The following SYN3 variants were observed in gnomAD, a reference collection of about 807,000 sequenced individuals.
SYN3 encodes the protein synapsin III.
Under a neutral mutation model 65.8 loss-of-function variants are expected in SYN3, and 35 were observed. That is an observed-to-expected ratio of 0.53 (90% CI 0.41 to 0.70). The LOEUF (loss-of-function observed/expected upper bound fraction) is 0.70. Ranked by LOEUF, SYN3 falls within the 30% of genes least tolerant of loss-of-function variation. The probability of loss-of-function intolerance (pLI) is 0.00; values close to 1 mark genes in which losing one functional copy is unlikely to be tolerated. For missense variants in SYN3, 680 were observed against 749.0 expected (o/e 0.91, Z 1.08); for synonymous variants, 270 against 292.9 (o/e 0.92, Z 0.80).
rs374034589 is a variant in SYN3, at chr22:32,843,768, C to T, written c.711+21147G>A. On this transcript the variant is annotated intron_variant, in intron 6 of 13. Transcript: ENST00000358763. ...TGGGGTCCCATCAGAAGAGCAGCCC[C>T]TTCCCTGGGACTGACACTAACAGTG... Among the ~76,000 whole-genome samples the T allele has an allele frequency of 7.2e-5, 11 of 152,320 alleles. No homozygotes were observed. In the East Asian group the frequency reaches 1.4e-3, roughly 19 times the overall value.
At chr22:32,779,193 C>A (rs1375864778) in intron 6 of SYN3, among the ~76,000 whole-genome samples, 3 of 152,128 alleles carry the variant, frequency 2.0e-5, no homozygotes. Context: ...GGCATGGTGG[C>A]TCACGCCTGT....
intron 1 of SYN3, among the ~76,000 whole-genome samples, chr22:33,021,985 T>G (rs2053568547): frequency 6.6e-6 from 1 of 152,154 alleles, no homozygotes; most frequent in African/African-American, 2.4e-5. Context: ...TAAACTATCT[T>G]CACTTGTTGT....
chr22:32,715,591 C>T (rs1421113471), intron 6 of SYN3, among the ~76,000 whole-genome samples: 2 of 151,910 alleles, frequency 1.3e-5, no homozygotes, highest in Admixed American at 6.6e-5. Context: ...CTAGCCTGGC[C>T]AAGATGGTGA....
At chr22:32,834,070 A>G (rs1332503023) in intron 6 of SYN3, among the ~76,000 whole-genome samples, 2 of 152,088 alleles carry the variant, frequency 1.3e-5, no homozygotes, top group Non-Finnish European at 2.9e-5. Flanking sequence ...TATAATGGAA[A>G]ATGTATTCCA....
chr22:33,054,432 A>G (rs2145986478), intron 1 of SYN3, among the ~76,000 whole-genome samples: 1 of 152,332 alleles, frequency 6.6e-6, no homozygotes, highest in Non-Finnish European at 1.5e-5. Context: ...ACTAAAAGCT[A>G]GCCATTTTAA....
intron 3 of SYN3, among the ~76,000 whole-genome samples, chr22:32,936,131 A>G (rs2050769360): frequency 6.6e-6 from 1 of 152,234 alleles, no homozygotes; most frequent in Admixed American, 6.5e-5. Flanking sequence ...TAAAAAATAT[A>G]TGGAGGTGTG....
chr22:32,909,819 C>G (rs2050004504), intron 4 of SYN3, among the ~76,000 whole-genome samples: 1 of 152,316 alleles, frequency 6.6e-6, no homozygotes, highest in East Asian at 1.9e-4. Context: ...ATGAGCCCAG[C>G]CTCCTAGACT....
At chr22:32,710,907 C>G (rs185863183) in intron 6 of SYN3, among the ~76,000 whole-genome samples, 8 of 151,880 alleles carry the variant, frequency 5.3e-5, no homozygotes, top group Non-Finnish European at 7.4e-5. Flanking sequence ...CTAATACACG[C>G]CCCCCATGAA....
At chr22:32,992,351 A>G (rs1293138458) in intron 2 of SYN3, among the ~76,000 whole-genome samples, 1 of 152,176 alleles carries the variant, frequency 6.6e-6, no homozygotes, top group Non-Finnish European at 1.5e-5. Context: ...CAGGAAGCCC[A>G]CTCAGTCTCT....
At chr22:32,550,866 A>AC (rs1308061222) in intron 7 of SYN3, among the ~76,000 whole-genome samples, 7 of 152,336 alleles carry the variant, frequency 4.6e-5, no homozygotes, top group Non-Finnish European at 7.4e-5. Context: ...TAGTAAAAGG[A>AC]AAGCTACCAT....
intron 1 of SYN3, among the ~76,000 whole-genome samples, chr22:33,039,490 A>G (rs7285445): frequency 0.35 from 52,580 of 150,728 alleles, 12,323 homozygotes; most frequent in African/African-American, 0.68. Context: ...ATTCTCCTGC[A>G]TTCAAGCGAT....
At chr22:32,989,728 G>A (rs911632633) in intron 2 of SYN3, among the ~76,000 whole-genome samples, 4 of 151,652 alleles carry the variant, frequency 2.6e-5, no homozygotes, top group Admixed American at 6.6e-5. Context: ...CCAGCTACTC[G>A]GGAGGCTGAG....
At chr22:32,807,355 AATATAT>A (rs2046776112) in intron 6 of SYN3, among the ~76,000 whole-genome samples, 1 of 19,910 alleles carries the variant, frequency 5.0e-5, no homozygotes, top group African/African-American at 1.5e-4. Flanking sequence ...ATAAATATAT[AATATAT>A]AATATATATT....
chr22:33,039,868 G>A (rs1808725784), intron 1 of SYN3, among the ~76,000 whole-genome samples: 1 of 151,894 alleles, frequency 6.6e-6, no homozygotes, highest in Non-Finnish European at 1.5e-5. Context: ...ACAAAGACAG[G>A]GATTTTTGCT....
chr22:32,973,400 G>T (rs1313289322), intron 3 of SYN3, among the ~76,000 whole-genome samples: 1 of 152,026 alleles, frequency 6.6e-6, no homozygotes, highest in Non-Finnish European at 1.5e-5. Flanking sequence ...TTAACTATTT[G>T]AATATACTAC....
intron 6 of SYN3, among the ~76,000 whole-genome samples, chr22:32,624,656 GGCTGGGCCTTTGGTC>G (rs1227749805): frequency 6.6e-6 from 1 of 152,176 alleles, no homozygotes; most frequent in African/African-American, 2.4e-5. Flanking sequence ...TGAGAACTTG[GGCTGGGCCTTTGGTC>G]GCTGGGCACC....
At chr22:32,788,973 C>G (rs555038513) in intron 6 of SYN3, among the ~76,000 whole-genome samples, 1 of 152,164 alleles carries the variant, frequency 6.6e-6, no homozygotes, top group African/African-American at 2.4e-5. Context: ...ATGCTGCCCC[C>G]CCACCCCCAA....
chr22:32,679,722 G>C (rs1434210454), intron 6 of SYN3, among the ~76,000 whole-genome samples: 1 of 151,378 alleles, frequency 6.6e-6, no homozygotes, highest in Non-Finnish European at 1.5e-5. Flanking sequence ...GTTTCCTAAT[G>C]ATTAGCCATG....
intron 6 of SYN3, among the ~76,000 whole-genome samples, chr22:32,844,935 C>T (rs2146215462): frequency 6.6e-6 from 1 of 152,232 alleles, no homozygotes; most frequent in East Asian, 1.9e-4. Flanking sequence ...CACTGTGTTG[C>T]CCAGGCTGGT....
Sources: gnomAD v4.1 joint callset for allele counts (sites outside exome capture counted in the v4.1 genomes callset) on GRCh38, gnomAD v4.1.1 for gene constraint, MANE v1.5 for transcripts, NCBI Gene and HGNC (gene_info 2026-07-23, HGNC 2026-07-21) for gene names.